ZNF267: variants seen among roughly 807,000 people sequenced by gnomAD.
The protein encoded by ZNF267 is zinc finger protein 267.
In ZNF267, 61 loss-of-function variants were observed where a neutral mutation model predicts 71.6. The observed-to-expected ratio is 0.85, with a 90% CI of 0.69 to 1.05. The LOEUF (loss-of-function observed/expected upper bound fraction) is 1.05, where lower values mean the gene tolerates loss of function less well. Ranked by LOEUF, ZNF267 falls within the 50% of genes least tolerant of loss-of-function variation. The pLI is 0.00. For missense variants in ZNF267, 852 were observed against 870.0 expected, an observed-to-expected ratio of 0.98 and a Z score of 0.26; for synonymous variants, 288 against 293.2, an observed-to-expected ratio of 0.98 and a Z score of 0.18.
In ZNF267 at chr16:31,914,793, G is replaced by A; in HGVS notation, c.544G>A (p.Asp182Asn). The A allele has an allele frequency of 6.2e-7, 1 of 1,613,150 alleles. No individual in the cohort carries two copies. Among genetic ancestry groups the A allele is most frequent in the Non-Finnish European group, 8.5e-7 (1 of 1,179,764 alleles). The change falls in exon 4 of 4, where the codon GAT becomes AAT. Residue 182 changes from aspartate to asparagine, a missense_variant. Physicochemically the swap from Asp to Asn is conservative, Grantham distance 23. Transcript: ENST00000300870. ...SSLLNQQEEI[D>N]IWGKHHIYDK... ...ATTGCTTAATCAACAAGAGGAAATA[G>A]ATATTTGGGGAAAACATCACATATA...
intron 3 of ZNF267, among the ~76,000 whole-genome samples, chr16:31,907,986 T>C (rs1319626635): frequency 1.3e-5 from 2 of 151,266 alleles, no homozygotes; most frequent in Non-Finnish European, 2.9e-5. Flanking sequence ...GAGCTTGCAG[T>C]GAACCAAGAT....
intron 1 of ZNF267, among the ~76,000 whole-genome samples, chr16:31,881,912 C>T (rs189032364): frequency 6.6e-6 from 1 of 152,228 alleles, no homozygotes; most frequent in East Asian, 1.9e-4. Context: ...TGATAACACC[C>T]ATCTTGGCTT....
intron 3 of ZNF267, among the ~76,000 whole-genome samples, chr16:31,904,296 A>G (rs999921894): frequency 1.3e-5 from 2 of 152,328 alleles, no homozygotes; most frequent in Middle Eastern, 3.4e-3. Flanking sequence ...GTAGATGTCT[A>G]TTAGGTCCGC....
chr16:31,910,068 T>C (rs1020367503), intron 3 of ZNF267, among the ~76,000 whole-genome samples: 1 of 152,244 alleles, frequency 6.6e-6, no homozygotes, highest in Non-Finnish European at 1.5e-5. Flanking sequence ...TACTGATTGA[T>C]TGCATATGAT....
intron 1 of ZNF267, among the ~76,000 whole-genome samples, chr16:31,884,040 A>C (rs2083907613): frequency 1.3e-5 from 2 of 152,232 alleles, no homozygotes; most frequent in Non-Finnish European, 2.9e-5. Context: ...CCCTGTGTCA[A>C]AATTAAAAAT....
Position 31,916,345 on chromosome 16 carries a change from A to G in ZNF267, c.2096A>G (p.Tyr699Cys), listed in dbSNP as rs949045331. 6 of 1,613,720 alleles carry G rather than the reference A, an allele frequency of 3.7e-6. No individual in the cohort carries two copies. Among genetic ancestry groups the G allele is most frequent in the South Asian group, 1.1e-5 (1 of 91,058 alleles). The change falls in exon 4 of 4, where the codon TAT becomes TGT. Residue 699 changes from tyrosine to cysteine, a missense_variant. Transcript: ENST00000300870. ...GATGAATGTGGTAAAGCCTTCAGCTATAGGTCATACCTCACTACACATCGG... is the reference window on the plus strand; with the variant it reads ...GATGAATGTGGTAAAGCCTTCAGCTGTAGGTCATACCTCACTACACATCGG... ...KCDECGKAFS[Y>C]RSYLTTHRRS...
intron 3 of ZNF267, among the ~76,000 whole-genome samples, chr16:31,908,875 A>G (rs566817173): frequency 7.9e-5 from 12 of 152,136 alleles, no homozygotes; most frequent in African/African-American, 2.9e-4. Context: ...TTGTTCTTTT[A>G]GCTTAGGATA....
chr16:31,914,389 A>G, intron 3 of ZNF267, 87 bp from the exon 4 acceptor site: 1 of 1,237,658 alleles, frequency 8.1e-7, no homozygotes, highest in Non-Finnish European at 1.1e-6. Context: ...TGTATTCTCA[A>G]CTTAGCATAA....
chr16:31,916,159 G>C lies in ZNF267; in HGVS notation c.1910G>C (p.Cys637Ser). Reference sequence around the variant, plus strand: ...CAGAGACCCTACAAATGTGAAGAATGTGGCAAAGCCTTCAACTATAGGTCA... The same window carrying C: ...CAGAGACCCTACAAATGTGAAGAATCTGGCAAAGCCTTCAACTATAGGTCA... ...TGQRPYKCEE[C>S]GKAFNYRSYL... The change falls in exon 4 of 4, where the codon TGT becomes TCT. Residue 637 changes from cysteine (C) to serine (S), a missense_variant. Cys to Ser is a moderately radical substitution (Grantham distance 112). Coordinates refer to ENST00000300870, the MANE Select transcript of ZNF267 (RefSeq NM_003414.6). 1 of 1,614,190 alleles carries C rather than the reference G, an allele frequency of 6.2e-7. No individual in the cohort carries two copies. The highest frequency in any genetic ancestry group is 8.5e-7 in the Non-Finnish European group (1 of 1,180,024).
intron 1 of ZNF267, among the ~76,000 whole-genome samples, chr16:31,874,777 C>G (rs914189006): frequency 2.0e-5 from 3 of 152,284 alleles, no homozygotes; most frequent in Middle Eastern, 3.4e-3. Context: ...CACGCAGAGT[C>G]TCAAGTCCAC....
At chr16:31,914,295 A>G (rs961219524) in intron 3 of ZNF267, 181 bp from the exon 4 acceptor site, 1 of 563,928 alleles carries the variant, frequency 1.8e-6, no homozygotes, top group Non-Finnish European at 3.0e-6. Context: ...TTGGTGTCTT[A>G]GTAGTTCACG....
chr16:31,881,036 G>A (rs909457780), intron 1 of ZNF267, among the ~76,000 whole-genome samples: 5 of 152,172 alleles, frequency 3.3e-5, no homozygotes, highest in Admixed American at 1.3e-4. Context: ...GTCACCACCC[G>A]AAGGGCCACC....
chr16:31,875,998 C>G (rs1051608918), intron 1 of ZNF267, among the ~76,000 whole-genome samples: 31 of 151,966 alleles, frequency 2.0e-4, no homozygotes, highest in African/African-American at 7.5e-4. Flanking sequence ...AACAGAATCT[C>G]AGGGCTCACC....
intron 1 of ZNF267, among the ~76,000 whole-genome samples, chr16:31,878,257 C>A (rs1209644775): frequency 6.6e-6 from 1 of 152,076 alleles, no homozygotes; most frequent in Non-Finnish European, 1.5e-5. Flanking sequence ...ACACAGGCTG[C>A]CCCACTGTGC....
intron 3 of ZNF267, among the ~76,000 whole-genome samples, chr16:31,888,757 A>C (rs1332501115): frequency 6.6e-6 from 1 of 151,684 alleles, no homozygotes; most frequent in Non-Finnish European, 1.5e-5. Context: ...CTTTATAAGG[A>C]ATATTGTTTT....
chr16:31,910,074 A>G (rs1596630249), intron 3 of ZNF267, among the ~76,000 whole-genome samples: 2 of 152,326 alleles, frequency 1.3e-5, no homozygotes, highest in East Asian at 3.9e-4. Flanking sequence ...TTGATTGCAT[A>G]TGATGAACCA....
rs2084176626 is a variant in ZNF267 at position 31,916,259 on chromosome 16, C to A, written c.2010C>A (p.Asn670Lys). 3 of 1,613,934 alleles carry A rather than the reference C, an allele frequency of 1.9e-6. No homozygotes were observed. The South Asian group carries it at 3.3e-5, about 18-fold the overall frequency. Residue 670 changes from asparagine to lysine, a missense_variant, in exon 4 of 4, where the codon AAC becomes AAA. By Grantham distance (94) the Asn-to-Lys change is moderately conservative (BLOSUM62 0). Coordinates refer to ENST00000300870, the MANE Select transcript of ZNF267 (RefSeq NM_003414.6). The part of the protein sequence containing the change: ...YKCEECGKAF[N>K]SRSYLTTHRR... ...GTGAAGAATGTGGCAAAGCCTTCAA[C>A]TCTAGGTCATACCTCACTACACATC...
rs1596611018 is a variant in ZNF267, at chr16:31,873,918, C to T, written c.-49C>T. ...CCTCTGTTGCTCTGCGACTTGCAGG[C>T]ACTGGGAGATTCGTAGCTAAGACGC... is the stretch of plus-strand genomic sequence containing the variant. On this transcript the variant is annotated 5_prime_UTR_variant, in exon 1 of 4. Transcript: ENST00000300870. 6.2e-7 allele frequency: 1 copy of T among 1,613,434 alleles called. No individual in the cohort carries two copies. The highest frequency in any genetic ancestry group is 8.5e-7 in the Non-Finnish European group (1 of 1,179,480).
intron 1 of ZNF267, among the ~76,000 whole-genome samples, chr16:31,883,880 A>G (rs1291908364): frequency 6.6e-6 from 1 of 152,210 alleles, no homozygotes; most frequent in Non-Finnish European, 1.5e-5. Context: ...CTTGTTAGAC[A>G]TGCAGATACT....
Sources: gnomAD v4.1 joint callset for allele counts (sites outside exome capture counted in the v4.1 genomes callset) on GRCh38, gnomAD v4.1.1 for gene constraint, MANE v1.5 for transcripts, NCBI Gene and HGNC (gene_info 2026-07-23, HGNC 2026-07-21) for gene names.